SYBU: variants seen among roughly 807,000 people sequenced by gnomAD.
SYBU encodes the protein syntabulin.
In SYBU, 21 loss-of-function variants were observed where a neutral mutation model predicts 35.9. That is an observed-to-expected ratio of 0.58 (90% confidence interval 0.41 to 0.84). SYBU has a LOEUF of 0.84. Ranked by LOEUF, SYBU falls within the 40% of genes least tolerant of loss-of-function variation. The probability of loss-of-function intolerance (pLI) is 0.00; values close to 1 mark genes in which losing one functional copy is unlikely to be tolerated. For missense variants in SYBU, 768 were observed against 848.2 expected, an observed-to-expected ratio of 0.91 and a Z score of 1.17; for synonymous variants, 319 against 324.3, an observed-to-expected ratio of 0.98 and a Z score of 0.18.
At chr8:109,578,094 A>ACTCT in intron 5 of SYBU, 77 bp from the exon 6 acceptor site, 1 of 1,449,768 alleles carries the variant, frequency 6.9e-7, no homozygotes, top group Non-Finnish European at 9.4e-7. Flanking sequence ...ACAGAGTGTT[A>ACTCT]TCAACTGAAT....
At chr8:109,600,775 A>T (rs980605517) in intron 3 of SYBU, among the ~76,000 whole-genome samples, 1 of 152,240 alleles carries the variant, frequency 6.6e-6, no homozygotes, top group Non-Finnish European at 1.5e-5. Flanking sequence ...AGATGTGAAA[A>T]ACAATCTGCA....
intron 1 of SYBU, among the ~76,000 whole-genome samples, chr8:109,671,575 C>T (rs3134326): frequency 0.14 from 21,608 of 152,148 alleles, 1,765 homozygotes; most frequent in East Asian, 0.4. Context: ...CCCTAAAATA[C>T]TTTGAGCGAT....
chr8:109,634,875 T>C (rs1814040757), intron 2 of SYBU, among the ~76,000 whole-genome samples: 1 of 152,244 alleles, frequency 6.6e-6, no homozygotes, highest in African/African-American at 2.4e-5. Flanking sequence ...TCTTTTTTGG[T>C]CTACCTCAGT....
intron 1 of SYBU, among the ~76,000 whole-genome samples, chr8:109,690,110 G>A (rs964509895): frequency 1.3e-5 from 2 of 152,086 alleles, no homozygotes; most frequent in African/African-American, 4.8e-5. Flanking sequence ...GAATTGAAGA[G>A]CGTATTTTAA....
rs545120802 is a variant in SYBU at position 109,614,635 on chromosome 8, C to T, written c.427+4207G>A. ...TGCACAAAGTATAAGCTCTACTTCT[C>T]ATTTAAGTATTTATTGGACAGCTTT... On this transcript the variant is annotated intron_variant, in intron 3 of 6. Coordinates refer to ENST00000276646, the MANE Select transcript of SYBU (RefSeq NM_001099754.2). Among the ~76,000 whole-genome samples the T allele has an allele frequency of 2.0e-5, 3 of 152,356 alleles. No homozygotes were observed. The East Asian group carries it at 5.8e-4, about 29-fold the overall frequency.
chr8:109,582,929 G>A (rs1586736070), intron 4 of SYBU, among the ~76,000 whole-genome samples: 1 of 152,298 alleles, frequency 6.6e-6, no homozygotes, highest in Middle Eastern at 3.4e-3. Context: ...AGGAGCCTCA[G>A]AAGAAGCCAA....
intron 3 of SYBU, among the ~76,000 whole-genome samples, chr8:109,589,158 T>C (rs1425160826): frequency 6.6e-6 from 1 of 151,960 alleles, no homozygotes; most frequent in Non-Finnish European, 1.5e-5. Context: ...AGACTCCATC[T>C]CAAAAAATAA....
intron 3 of SYBU, among the ~76,000 whole-genome samples, chr8:109,595,704 T>C (rs1451514746): frequency 6.6e-6 from 1 of 152,050 alleles, no homozygotes; most frequent in African/African-American, 2.4e-5. Context: ...TGCAGAGCTG[T>C]GGAGACAGCA....
At chr8:109,645,633 G>GTTTTTTTTTTTTTTTTTTTTTTT (rs77642059), upstream of SYBU, 3 of 217,766 alleles carry the variant, frequency 1.4e-5, no homozygotes, top group African/African-American at 8.1e-5. Context: ...TTCGTTTTTT[G>GTTTTTTTTTTTTTTTTTTTTTTT]TTTTTTTTTT....
intron 1 of SYBU, among the ~76,000 whole-genome samples, chr8:109,667,198 C>G (rs780449171): frequency 1.4e-4 from 21 of 151,546 alleles, no homozygotes; most frequent in Non-Finnish European, 2.1e-4. Flanking sequence ...CTCACTGAAA[C>G]CTCCACCTCC....
intron 3 of SYBU, among the ~76,000 whole-genome samples, chr8:109,618,605 A>T (rs1008206524): frequency 3.3e-5 from 5 of 152,080 alleles, no homozygotes; most frequent in African/African-American, 9.7e-5. Flanking sequence ...TCTCTTTTTT[A>T]AAAAAAGCTC....
chr8:109,585,286 T>A (rs1183816281), intron 4 of SYBU, among the ~76,000 whole-genome samples: 1 of 152,208 alleles, frequency 6.6e-6, no homozygotes, highest in Non-Finnish European at 1.5e-5. Flanking sequence ...CTCCACCAAT[T>A]CAAATAACAT....
At chr8:109,600,552 T>G (rs1320395859) in intron 3 of SYBU, among the ~76,000 whole-genome samples, 1 of 152,162 alleles carries the variant, frequency 6.6e-6, no homozygotes, top group African/African-American at 2.4e-5. Context: ...AGAACTTACA[T>G]ATATGATTGC....
rs1196588456 is a variant in SYBU at position 109,584,497 on chromosome 8, TA to T, written c.530+1562del. Reference sequence around the variant, plus strand: ...GTATGTCATAATTTCTTGAGTGGGTTATATAAATGGTTTATTCTTAGAGCAA... The same window carrying T: ...GTATGTCATAATTTCTTGAGTGGGTTTATAAATGGTTTATTCTTAGAGCAA... On this transcript the variant is annotated intron_variant, in intron 4 of 6. Coordinates refer to ENST00000276646, the MANE Select transcript of SYBU (RefSeq NM_001099754.2). The surrounding 1 kb of genome is among the most constrained non-coding windows in gnomAD (Gnocchi z 4.0). 3.9e-5 allele frequency among the ~76,000 whole-genome samples: 6 copies of T among 152,198 alleles called. No homozygotes were observed. The highest frequency in any genetic ancestry group is 1.4e-4 in the African/African-American group (6 of 41,440).
chr8:109,673,926 T>C (rs577421201), intron 1 of SYBU, among the ~76,000 whole-genome samples: 20 of 152,160 alleles, frequency 1.3e-4, no homozygotes, highest in Middle Eastern at 3.4e-3. Context: ...GCAGAAGATA[T>C]ATCAGAGATT....
chr8:109,585,873 A>G, intron 4 of SYBU, 187 bp downstream of exon 4: 1 of 580,406 alleles, frequency 1.7e-6, no homozygotes, highest in Non-Finnish European at 3.1e-6. Context: ...CAGGTGAGCC[A>G]TGTGACCACA....
At position 109,619,059 on chromosome 8, in the gene SYBU, A is replaced by G; in HGVS notation, c.230-20T>C. 6.2e-7 allele frequency: 1 copy of G among 1,601,170 alleles called. No individual in the cohort carries two copies. On this transcript the variant is annotated intron_variant, in intron 2 of 6. Coordinates refer to ENST00000276646, the MANE Select transcript of SYBU (RefSeq NM_001099754.2). The stretch of plus-strand genomic sequence containing the variant: ...TGTCATCTAGAAGACAGGAATCAAT[A>G]AGTGTTTAATGATGAGGAGGAAATC...
At chr8:109,613,732 T>C (rs1002366225) in intron 3 of SYBU, among the ~76,000 whole-genome samples, 2 of 152,228 alleles carry the variant, frequency 1.3e-5, no homozygotes, top group African/African-American at 4.8e-5. Context: ...GTGATGCTCA[T>C]GGTAAGAACA....
At chr8:109,616,790 C>A (rs1455410418) in intron 3 of SYBU, among the ~76,000 whole-genome samples, 1 of 150,908 alleles carries the variant, frequency 6.6e-6, no homozygotes, top group African/African-American at 2.4e-5. Flanking sequence ...TTGAGGTCAA[C>A]AAATGTTGAC....
Sources: gnomAD v4.1 joint callset for allele counts (sites outside exome capture counted in the v4.1 genomes callset) on GRCh38, gnomAD v4.1.1 for gene constraint, Gnocchi (gnomAD v3.1) non-coding constraint, MANE v1.5 for transcripts, NCBI Gene and HGNC (gene_info 2026-07-23, HGNC 2026-07-21) for gene names.